The following ACAN variants were observed in gnomAD, a reference collection of about 807,000 sequenced individuals.
The protein encoded by ACAN is aggrecan core protein.
In ACAN, 47 loss-of-function variants were observed where a neutral mutation model predicts 169.1. That is an observed-to-expected ratio of 0.28 (90% confidence interval 0.22 to 0.35). ACAN has a LOEUF of 0.35. Ranked by LOEUF, ACAN falls within the 10% of genes least tolerant of loss-of-function variation. The pLI, the probability that ACAN is intolerant of heterozygous loss-of-function variation, is 1.00. For missense variants in ACAN, 2,716 were observed against 2,759.9 expected, an observed-to-expected ratio of 0.98 and a Z score of 0.36; for synonymous variants, 1,115 against 1,112.2, an observed-to-expected ratio of 1.00 and a Z score of -0.05.
chr15:88,840,549 T>C (rs777530456), intron 4 of ACAN, among the ~76,000 whole-genome samples: 8 of 152,152 alleles, frequency 5.3e-5, no homozygotes, highest in Admixed American at 1.3e-4. Context: ...AGGCAAGTTA[T>C]AAATTGAACC....
At position 88,843,777 on chromosome 15, in the gene ACAN, GT is replaced by G; in HGVS notation, c.1051+134del. The G allele has an allele frequency of 3.4e-6, 4 of 1,188,654 alleles. No individual in the cohort carries two copies. The highest frequency in any genetic ancestry group is 3.4e-6 in the Non-Finnish European group (3 of 872,518). The allele number at this position is 1,188,654 out of a possible 1,614,324, so 73.6% of individuals were successfully genotyped here. On this transcript the variant is annotated intron_variant, in intron 6 of 18. Transcript: ENST00000560601. The surrounding 1 kb of genome is among the most constrained non-coding windows in gnomAD (Gnocchi z 4.0). ...GGGCCACGGGGTACCTGAACCCCAT[GT>G]TTTTAGGACACCCCTCCATTTTCAC... is the stretch of plus-strand genomic sequence containing the variant.
Position 88,849,694 on chromosome 15 carries a change from A to G in ACAN, c.1989A>G (p.Pro663=), listed in dbSNP as rs1896888294. The G allele has an allele frequency of 6.2e-7, 1 of 1,613,728 alleles. No homozygotes were observed. Among genetic ancestry groups the G allele is most frequent in the African/African-American group, 1.3e-5 (1 of 74,938 alleles). ...VYLYPNQTGL[P]DPLSRHHAFC... ...TCTACCCTAACCAGACGGGCCTCCCAGACCCACTGTCCCGGCACCATGCCT... is the reference window on the plus strand; with the variant it reads ...TCTACCCTAACCAGACGGGCCTCCCGGACCCACTGTCCCGGCACCATGCCT... Residue 663 remains proline, a synonymous_variant, in exon 10 of 19, where the codon CCA becomes CCG. Coordinates refer to ENST00000560601, the MANE Select transcript of ACAN (RefSeq NM_001369268.1). This position sits in a 1 kb window ranked among gnomAD's most constrained non-coding sequence, Gnocchi z 5.1.
At chr15:88,837,557 G>A (rs1896535544) in intron 2 of ACAN, among the ~76,000 whole-genome samples, 1 of 152,166 alleles carries the variant, frequency 6.6e-6, no homozygotes, top group Non-Finnish European at 1.5e-5. Context: ...AGGGAAACCA[G>A]TTCATTAGGT....
At position 88,874,908 on chromosome 15, in the gene ACAN, C is replaced by T; in HGVS notation, c.*427C>T. 2.9e-6 allele frequency: 1 copy of T among 341,982 alleles called. No homozygotes were observed. Among genetic ancestry groups the T allele is most frequent in the Non-Finnish European group, 5.7e-6 (1 of 175,688 alleles). 21.2% of individuals were successfully genotyped at this position (341,982 alleles called of 1,614,324 possible). ...GAGCTAGGGAGGAGGGAGGAGGGCTCCAAAGGAGCTGGAAGGAGCAGAGGC... is the reference window on the plus strand; with the variant it reads ...GAGCTAGGGAGGAGGGAGGAGGGCTTCAAAGGAGCTGGAAGGAGCAGAGGC... On this transcript the variant is annotated 3_prime_UTR_variant, in exon 19 of 19. Transcript: ENST00000560601. The surrounding 1 kb of genome is among the most constrained non-coding windows in gnomAD (Gnocchi z 7.3).
rs1447178045 is a variant in ACAN, at chr15:88,814,643, G to C, written c.-8+10834G>C. Among the ~76,000 whole-genome samples, 2 of 152,216 alleles carry C rather than the reference G, an allele frequency of 1.3e-5. No individual in the cohort carries two copies. The highest frequency in any genetic ancestry group is 6.5e-5 in the Admixed American group (1 of 15,288). On this transcript the variant is annotated intron_variant, in intron 1 of 18. Coordinates refer to ENST00000560601, the MANE Select transcript of ACAN (RefSeq NM_001369268.1). The surrounding 1 kb of genome is among the most constrained non-coding windows in gnomAD (Gnocchi z 4.0). ...CATTCCATTGTGGTCCATGGGAATA[G>C]CGACTCCTCGAGTTGTGCCAGTGTG...
At chr15:88,817,923 C>T (rs1339252963) in intron 1 of ACAN, among the ~76,000 whole-genome samples, 3 of 150,742 alleles carry the variant, frequency 2.0e-5, no homozygotes, top group South Asian at 2.1e-4. Flanking sequence ...TATAGACTTA[C>T]CACCCAAAGA....
At position 88,849,550 on chromosome 15, in the gene ACAN, G is replaced by C; in HGVS notation, c.1845G>C (p.Trp615Cys). ...CCACGGGCCAGCTCTACGCCGCCTG[G>C]AGCCGCGGCCTGGACAAGTGCTATG... is the stretch of plus-strand genomic sequence containing the variant. ...LATTGQLYAA[W>C]SRGLDKCYAG... The change falls in exon 10 of 19, where the codon TGG (tryptophan) becomes TGC (cysteine). Residue 615 changes from tryptophan (W) to cysteine (C), a missense_variant. Physicochemically the swap from Trp to Cys is radical, Grantham distance 215. Transcript: ENST00000560601. This position sits in a 1 kb window ranked among gnomAD's most constrained non-coding sequence, Gnocchi z 5.1. 6.2e-7 allele frequency: 1 copy of C among 1,605,944 alleles called. No homozygotes were observed. Among genetic ancestry groups the C allele is most frequent in the Non-Finnish European group, 8.5e-7 (1 of 1,176,564 alleles).
chr15:88,807,044 T>G lies in ACAN; in HGVS notation c.-8+3235T>G, dbSNP rs1228938147. On this transcript the variant is annotated intron_variant, in intron 1 of 18. Transcript: ENST00000560601. This position sits in a 1 kb window ranked among gnomAD's most constrained non-coding sequence, Gnocchi z 4.0. ...TTTGCATATATTTTTATTTAATTTT[T>G]TTTTTACTATATTGGTCCCAATGAT... 6.6e-6 allele frequency among the ~76,000 whole-genome samples: 1 copy of G among 152,186 alleles called. No individual in the cohort carries two copies. The highest frequency in any genetic ancestry group is 2.4e-5 in the African/African-American group (1 of 41,436).
intron 11 of ACAN, among the ~76,000 whole-genome samples, chr15:88,852,341 C>A (rs763302238): frequency 6.6e-6 from 1 of 152,212 alleles, no homozygotes; most frequent in Non-Finnish European, 1.5e-5. Context: ...CCCTCAGTTA[C>A]CTTGTCCTCC....
chr15:88,839,725 T>C lies in ACAN; in HGVS notation c.455-287T>C, dbSNP rs969458611. Among the ~76,000 whole-genome samples, 1 of 152,114 alleles carries C rather than the reference T, an allele frequency of 6.6e-6. No homozygotes were observed. Among genetic ancestry groups the C allele is most frequent in the Non-Finnish European group, 1.5e-5 (1 of 68,006 alleles). ...GGGGTCTTGGAGTGATAAGAAAAAA[T>C]TATAAGGAGGCAGATTTTAGTTTAA... On this transcript the variant is annotated intron_variant, in intron 3 of 18. Transcript: ENST00000560601. The surrounding 1 kb of genome is among the most constrained non-coding windows in gnomAD (Gnocchi z 4.5).
In ACAN at chr15:88,849,685, G is replaced by T; in HGVS notation, c.1980G>T (p.Thr660=). ...VRTVYLYPNQ[T]GLPDPLSRHH... ...CGGTCTACCTCTACCCTAACCAGAC[G>T]GGCCTCCCAGACCCACTGTCCCGGC... is the stretch of plus-strand genomic sequence containing the variant. Residue 660 remains threonine, a synonymous_variant, in exon 10 of 19, where the codon ACG becomes ACT. Transcript: ENST00000560601. This position sits in a 1 kb window ranked among gnomAD's most constrained non-coding sequence, Gnocchi z 5.1. The T allele has an allele frequency of 2.5e-6, 4 of 1,613,788 alleles. No homozygotes were observed. Among genetic ancestry groups the T allele is most frequent in the Non-Finnish European group, 3.4e-6 (4 of 1,179,828 alleles).
chr15:88,854,837 C>T lies in ACAN; in HGVS notation c.2267-15C>T. 6.9e-7 allele frequency: 1 copy of T among 1,450,786 alleles called. No homozygotes were observed. Among genetic ancestry groups the T allele is most frequent in the Non-Finnish European group, 9.1e-7 (1 of 1,099,490 alleles). The allele number at this position is 1,450,786 out of a possible 1,614,324, so 89.9% of individuals were successfully genotyped here. Reference sequence around the variant, plus strand: ...AATAAACCCACACTTCATCTTTCTTCCTTCTTTCCTACAGGGATCCTTCCT... The same window carrying T: ...AATAAACCCACACTTCATCTTTCTTTCTTCTTTCCTACAGGGATCCTTCCT... On this transcript the variant is annotated splice_polypyrimidine_tract_variant and intron_variant, in intron 11 of 18. Coordinates refer to ENST00000560601, the MANE Select transcript of ACAN (RefSeq NM_001369268.1).
At chr15:88,808,590 G>A (rs763933256) in intron 1 of ACAN, among the ~76,000 whole-genome samples, 3 of 152,168 alleles carry the variant, frequency 2.0e-5, no homozygotes, top group Non-Finnish European at 4.4e-5. Flanking sequence ...ATTTGGCCAT[G>A]TCTGGAGACA....
intron 1 of ACAN, among the ~76,000 whole-genome samples, chr15:88,805,986 C>T (rs148456552): frequency 6.4e-4 from 98 of 152,250 alleles, no homozygotes; most frequent in Middle Eastern, 3.4e-3. Flanking sequence ...AGAGAGAGCT[C>T]ACCTCCTGAG....
At position 88,870,191 on chromosome 15, in the gene ACAN, C is replaced by T. The variant is rs1897348913; in HGVS notation, c.7061-1191C>T. On this transcript the variant is annotated intron_variant, in intron 14 of 18. Transcript: ENST00000560601. This position sits in a 1 kb window ranked among gnomAD's most constrained non-coding sequence, Gnocchi z 6.3. ...CCTGTTCTGCTCTCCCTCCACTGTC[C>T]CCAACTGTCTCTCCCCCACTTTGCC... 6.6e-6 allele frequency among the ~76,000 whole-genome samples: 1 copy of T among 152,144 alleles called. No homozygotes were observed. The highest frequency in any genetic ancestry group is 1.5e-5 in the Non-Finnish European group (1 of 68,030).
chr15:88,845,654 G>A lies in ACAN; in HGVS notation c.1201G>A (p.Val401Ile), dbSNP rs200027891. The A allele has an allele frequency of 4.4e-5, 71 of 1,613,912 alleles. No homozygotes were observed. Among genetic ancestry groups the A allele is most frequent in the South Asian group, 1.9e-4 (17 of 91,094 alleles). ...AGCCCGAGGCAGCGTGATCCTTACC[G>A]TAAAGCCCATCTTCGAGGTCTCCCC... Reference protein sequence around the residue: ...GEARGSVILTVKPIFEVSPSP... With the variant: ...GEARGSVILTIKPIFEVSPSP... The change falls in exon 7 of 19, where the codon GTA (valine) becomes ATA (isoleucine). Residue 401 changes from valine to isoleucine, a missense_variant. Val to Ile is a conservative substitution (Grantham distance 29). Transcript: ENST00000560601.
rs998856770 is a variant in ACAN at position 88,807,776 on chromosome 15, G to GTGTGTA, written c.-8+3972_-8+3973insATGTGT. Among the ~76,000 whole-genome samples, 1 of 151,924 alleles carries GTGTGTA rather than the reference G, an allele frequency of 6.6e-6. No individual in the cohort carries two copies. Among genetic ancestry groups the GTGTGTA allele is most frequent in the African/African-American group, 2.4e-5 (1 of 41,358 alleles). Reference sequence around the variant, plus strand: ...TGTGTGTGTGTGTGTGTGTGTGTGTGTGTGTGTGTGCATGCTGGCAGGGCG... The same window carrying GTGTGTA: ...TGTGTGTGTGTGTGTGTGTGTGTGTGTGTGTATGTGTGTGTGCATGCTGGCAGGGCG... On this transcript the variant is annotated intron_variant, in intron 1 of 18. Coordinates refer to ENST00000560601, the MANE Select transcript of ACAN (RefSeq NM_001369268.1). The surrounding 1 kb of genome is among the most constrained non-coding windows in gnomAD (Gnocchi z 4.0).
intron 1 of ACAN, among the ~76,000 whole-genome samples, chr15:88,808,403 G>A (rs1198782628): frequency 1.3e-5 from 2 of 152,224 alleles, no homozygotes; most frequent in South Asian, 2.1e-4. Context: ...CTACATGCCA[G>A]GCACTGTGCT....
chr15:88,809,911 T>C (rs1201170412), intron 1 of ACAN, among the ~76,000 whole-genome samples: 1 of 152,236 alleles, frequency 6.6e-6, no homozygotes, highest in Non-Finnish European at 1.5e-5. Context: ...CACTTTCCTA[T>C]CTGTAAAATG....
Sources: allele counts gnomAD v4.1 joint callset (sites outside exome capture counted in the v4.1 genomes callset), GRCh38; gene constraint gnomAD v4.1.1; non-coding constraint Gnocchi (gnomAD v3.1); transcripts MANE v1.5; gene names NCBI Gene and HGNC (gene_info 2026-07-23, HGNC 2026-07-21).